The following AGBL2 variants were observed in gnomAD, a reference collection of about 807,000 sequenced individuals.
AGBL2 encodes AGBL carboxypeptidase 2, also known as cytosolic carboxypeptidase 2.
In AGBL2, 87 loss-of-function variants were observed where a neutral mutation model predicts 103.0. The observed-to-expected ratio is 0.84, with a 90% confidence interval of 0.71 to 1.01. The LOEUF is 1.01. AGBL2 is among the 50% of genes least tolerant of loss of function. AGBL2 has a pLI of 0.00. For synonymous variants in AGBL2, 335 were observed against 356.7 expected, an observed-to-expected ratio of 0.94 and a Z score of 0.69; for missense variants, 904 against 1,023.5, an observed-to-expected ratio of 0.88 and a Z score of 1.59.
At chr11:47,714,237 C>T (rs1483512143) in intron 3 of AGBL2, 47 bp downstream of exon 3, 1 of 1,484,234 alleles carries the variant, frequency 6.7e-7, no homozygotes, top group Non-Finnish European at 9.4e-7. Flanking sequence ...AAGCAATTTT[C>T]CTCTTGAGTC....
intron 15 of AGBL2, 27 bp downstream of exon 15, chr11:47,668,814 T>C (rs1472311557): frequency 6.3e-7 from 1 of 1,589,746 alleles, no homozygotes. Context: ...AAGGCTGCTA[T>C]TTCCTGGGTA....
chr11:47,704,464 T>C (rs933031726), intron 7 of AGBL2, 79 bp downstream of exon 7: 96 of 1,262,834 alleles, frequency 7.6e-5, no homozygotes, highest in Non-Finnish European at 9.4e-5. Context: ...GCCTGGGAAA[T>C]AGAGTGAGAC....
At chr11:47,693,857 A>G (rs529217398) in intron 8 of AGBL2, among the ~76,000 whole-genome samples, 1 of 152,194 alleles carries the variant, frequency 6.6e-6, no homozygotes, top group African/African-American at 2.4e-5. Context: ...GTTCCATTAT[A>G]TCAGTGGTCA....
chr11:47,662,556 G>C (rs1437260126), intron 18 of AGBL2, among the ~76,000 whole-genome samples: 1 of 146,212 alleles, frequency 6.8e-6, no homozygotes, highest in African/African-American at 2.5e-5. Flanking sequence ...GCAATGGCAC[G>C]ATCTCAGCTC....
At chr11:47,700,775 A>G (rs1158544057) in intron 7 of AGBL2, among the ~76,000 whole-genome samples, 1 of 151,958 alleles carries the variant, frequency 6.6e-6, no homozygotes, top group East Asian at 1.9e-4. Flanking sequence ...TTCACAATTT[A>G]GTTTAAACAA....
chr11:47,700,044 G>A (rs1365443085), intron 7 of AGBL2, among the ~76,000 whole-genome samples: 1 of 151,836 alleles, frequency 6.6e-6, no homozygotes, highest in Non-Finnish European at 1.5e-5. Context: ...CGCAACCTCC[G>A]CCTCCCGGGT....
At chr11:47,681,363 GA>G (rs1397794591) in intron 12 of AGBL2, among the ~76,000 whole-genome samples, 1 of 151,536 alleles carries the variant, frequency 6.6e-6, no homozygotes, top group Non-Finnish European at 1.5e-5. Context: ...AAAAAAGAAA[GA>G]AAAAATGAAG....
At chr11:47,673,794 A>C (rs1177368866) in intron 14 of AGBL2, among the ~76,000 whole-genome samples, 1 of 5,926 alleles carries the variant, frequency 1.7e-4, no homozygotes, top group Non-Finnish European at 1.8e-3. Flanking sequence ...ACTCCATCTC[A>C]AAAAAAAAAA....
chr11:47,714,886 G>A (rs1055076678), intron 1 of AGBL2, 136 bp from the exon 2 acceptor site: 2 of 552,510 alleles, frequency 3.6e-6, no homozygotes, highest in African/African-American at 1.9e-5. Context: ...CGAGGCCAGA[G>A]GTGCATCTGA....
intron 4 of AGBL2, among the ~76,000 whole-genome samples, chr11:47,709,390 T>G (rs2097530670): frequency 6.7e-6 from 1 of 150,292 alleles, no homozygotes; most frequent in African/African-American, 2.5e-5. Flanking sequence ...CAGGGGGGGT[T>G]GTAGAGAAAA....
intron 13 of AGBL2, among the ~76,000 whole-genome samples, chr11:47,678,343 A>ATTATTATTATTTTTTTTTTTTT (rs2097385523): frequency 3.4e-5 from 4 of 116,760 alleles, no homozygotes; most frequent in Non-Finnish European, 5.7e-5. Flanking sequence ...TTATTATTTT[A>ATTATTATTATTTTTTTTTTTTT]TTTTTTTTGA....
At position 47,662,515 on chromosome 11, in the gene AGBL2, C is replaced by T. The variant is rs140165057; in HGVS notation, c.2535+511G>A. ...GTTCACTTTTTTTTTTTTTTTTAGACGGAGTCGCACTCTGTCACCCAGGCT... is the reference window on the plus strand; with the variant it reads ...GTTCACTTTTTTTTTTTTTTTTAGATGGAGTCGCACTCTGTCACCCAGGCT... On this transcript the variant is annotated intron_variant, in intron 18 of 18. Transcript: ENST00000525123. Among the ~76,000 whole-genome samples the T allele has an allele frequency of 6.5e-4, 84 of 129,560 alleles. 3 individuals are homozygous for T. The highest frequency in any genetic ancestry group is 2.2e-3 in the African/African-American group (73 of 33,480). The allele number at this position is 129,560 out of a possible 152,430, so 85.0% of individuals were successfully genotyped here. A position where few individuals can be genotyped will look rare whatever the true frequency, so the allele number is the denominator to read the frequency against.
At chr11:47,694,190 C>G (rs2097458558) in intron 8 of AGBL2, among the ~76,000 whole-genome samples, 1 of 150,926 alleles carries the variant, frequency 6.6e-6, no homozygotes, top group Non-Finnish European at 1.5e-5. Context: ...AAGTGAGATC[C>G]TATCATTCAT....
chr11:47,705,641 C>CA lies in AGBL2; in HGVS notation c.287-8dup, dbSNP rs71228117. On this transcript the variant is annotated splice_polypyrimidine_tract_variant and splice_region_variant and intron_variant, in intron 5 of 18. Transcript: ENST00000525123. Reference sequence around the variant, plus strand: ...CCCAGGCAAGAGTGAAAGTCTGTGTCAAAAAAAAAAAAAAAAGAAAAAGAA... The same window carrying CA: ...CCCAGGCAAGAGTGAAAGTCTGTGTCAAAAAAAAAAAAAAAAAGAAAAAGAA... 116,288 of 409,644 alleles carry CA rather than the reference C, an allele frequency of 0.28. 6,893 individuals are homozygous for CA. Among genetic ancestry groups the CA allele is most frequent in the Admixed American group, 0.33 (7,853 of 23,492 alleles). 25.4% of individuals were successfully genotyped at this position (409,644 alleles called of 1,614,324 possible). A position where few individuals can be genotyped will look rare whatever the true frequency, so the allele number is the denominator to read the frequency against.
chr11:47,677,556 C>T (rs751438345), intron 13 of AGBL2, among the ~76,000 whole-genome samples, 155 bp from the exon 14 acceptor site: 9 of 151,928 alleles, frequency 5.9e-5, no homozygotes, highest in East Asian at 1.9e-4. Flanking sequence ...TGGGTTCAAG[C>T]GATTCTCCTG....
chr11:47,698,597 G>T (rs1053811976), intron 8 of AGBL2, among the ~76,000 whole-genome samples: 1 of 152,010 alleles, frequency 6.6e-6, no homozygotes, highest in African/African-American at 2.4e-5. Flanking sequence ...TGAAATTCAG[G>T]CACTTAAAGC....
At chr11:47,713,717 T>C (rs2097542239) in intron 3 of AGBL2, among the ~76,000 whole-genome samples, 1 of 151,014 alleles carries the variant, frequency 6.6e-6, no homozygotes, top group African/African-American at 2.4e-5. Context: ...GCCTTCCCAG[T>C]AGCTGGGACT....
rs1436443321 is a variant in AGBL2 at position 47,682,071 on chromosome 11, TA to T, written c.1812del (p.Phe604LeufsTer21). 2 of 1,614,060 alleles carry T rather than the reference TA, an allele frequency of 1.2e-6. No individual in the cohort carries two copies. The highest frequency in any genetic ancestry group is 1.7e-6 in the Non-Finnish European group (2 of 1,179,962). ...GTTCCTTCTTTGCATTTTTGGACCT[TA>T]AAATTACAACTGTGAAAAGAGAACT... The part of the protein sequence containing the change: ...PDKFSFHSCN[F>X]KVQKCKEGTG... On this transcript the variant is annotated frameshift_variant, in exon 12 of 19. Transcript: ENST00000525123. LOFTEE classifies it high-confidence loss of function.
At chr11:47,706,604 C>T (rs544859724) in intron 4 of AGBL2, among the ~76,000 whole-genome samples, 6 of 152,130 alleles carry the variant, frequency 3.9e-5, no homozygotes, top group East Asian at 1.9e-4. Context: ...GGAGAGGTGG[C>T]GTGTGCCTAT....
Sources: allele counts gnomAD v4.1 joint callset (sites outside exome capture counted in the v4.1 genomes callset), GRCh38; gene constraint gnomAD v4.1.1; transcripts MANE v1.5; gene names NCBI Gene and HGNC (gene_info 2026-07-23, HGNC 2026-07-21).